NELL2: variants seen among roughly 807,000 people sequenced by gnomAD.
NELL2 encodes protein kinase C-binding protein NELL2.
NELL2 carries 41 observed loss-of-function variants against 109.6 expected under a neutral mutation model. The observed-to-expected ratio is 0.37, with a 90% CI of 0.29 to 0.49. The LOEUF (loss-of-function observed/expected upper bound fraction) is 0.49, where lower values mean the gene tolerates loss of function less well. Ranked by LOEUF, NELL2 falls within the 20% of genes least tolerant of loss-of-function variation. NELL2 has a pLI of 0.98. For missense variants in NELL2, 900 were observed against 1,008.3 expected, an observed-to-expected ratio of 0.89 and a Z score of 1.45; for synonymous variants, 355 against 344.7, an observed-to-expected ratio of 1.03 and a Z score of -0.33.
chr12:44,637,307 C>A (rs149259939), intron 13 of NELL2, among the ~76,000 whole-genome samples: 1 of 151,290 alleles, frequency 6.6e-6, no homozygotes, highest in East Asian at 2.0e-4. Context: ...TTTGTTTGCT[C>A]TTGAACCCTT....
chr12:44,865,821 A>ATT (rs1555229802), intron 2 of NELL2, among the ~76,000 whole-genome samples: 1 of 45,080 alleles, frequency 2.2e-5, no homozygotes, highest in Admixed American at 2.1e-4. Context: ...AATAAAAAAA[A>ATT]AAATTAAAAA....
At chr12:44,748,834 C>T (rs1304869671) in intron 9 of NELL2, among the ~76,000 whole-genome samples, 1 of 151,958 alleles carries the variant, frequency 6.6e-6, no homozygotes, top group Non-Finnish European at 1.5e-5. Context: ...AATCAAATAC[C>T]AAAGAGGGAC....
intron 9 of NELL2, among the ~76,000 whole-genome samples, chr12:44,770,153 T>C (rs971950672): frequency 2.0e-5 from 3 of 152,130 alleles, no homozygotes; most frequent in African/African-American, 4.8e-5. Context: ...CAAAGAACTC[T>C]TGAGGTCCTA....
chr12:44,871,418 T>C (rs1945156978), intron 2 of NELL2, among the ~76,000 whole-genome samples: 1 of 152,228 alleles, frequency 6.6e-6, no homozygotes. Flanking sequence ...CAAAAATAAC[T>C]TATTTGAAAG....
chr12:44,525,968 CG>C (rs1292940397), intron 16 of NELL2, among the ~76,000 whole-genome samples: 3 of 152,090 alleles, frequency 2.0e-5, no homozygotes, highest in Admixed American at 1.3e-4. Context: ...GAAGGCCCAA[CG>C]TCTAGAGCTA....
chr12:44,832,389 T>G (rs1195910882), intron 2 of NELL2, among the ~76,000 whole-genome samples: 1 of 152,230 alleles, frequency 6.6e-6, no homozygotes, highest in Non-Finnish European at 1.5e-5. Context: ...TTAACTAGTT[T>G]TCATCACTGG....
intron 13 of NELL2, among the ~76,000 whole-genome samples, chr12:44,635,395 CT>C (rs1200604279): frequency 6.6e-6 from 1 of 152,084 alleles, no homozygotes; most frequent in Non-Finnish European, 1.5e-5. Flanking sequence ...AGGTTTTCTT[CT>C]AGGGTTTTTA....
At chr12:44,921,044 A>C (rs1304522895) in intron 1 of NELL2, among the ~76,000 whole-genome samples, 2 of 152,140 alleles carry the variant, frequency 1.3e-5, no homozygotes, top group African/African-American at 4.8e-5. Flanking sequence ...CTACGTACAC[A>C]CTTTTATAGT....
At chr12:44,867,283 T>C (rs908187795) in intron 2 of NELL2, among the ~76,000 whole-genome samples, 1 of 152,208 alleles carries the variant, frequency 6.6e-6, no homozygotes, top group Non-Finnish European at 1.5e-5. Context: ...TCATTCACCA[T>C]GATCAAGTAG....
chr12:44,514,724 TA>T (rs984343727), intron 19 of NELL2, among the ~76,000 whole-genome samples: 2 of 151,380 alleles, frequency 1.3e-5, no homozygotes, highest in Non-Finnish European at 3.0e-5. Context: ...TGAATAAATA[TA>T]AAATATACCA....
intron 13 of NELL2, among the ~76,000 whole-genome samples, chr12:44,646,887 G>T (rs148234385): frequency 0.026 from 3,917 of 152,250 alleles, 83 homozygotes; most frequent in Admixed American, 0.043. Flanking sequence ...ACAAATTTGG[G>T]ATGCTACTTG....
chr12:44,909,374 A>G (rs1247584731), intron 1 of NELL2, among the ~76,000 whole-genome samples: 1 of 151,724 alleles, frequency 6.6e-6, no homozygotes, highest in Non-Finnish European at 1.5e-5. Flanking sequence ...AGATCTACCC[A>G]AAGAGGAGAA....
At chr12:44,805,095 A>G (rs2136661169) in intron 3 of NELL2, among the ~76,000 whole-genome samples, 1 of 151,994 alleles carries the variant, frequency 6.6e-6, no homozygotes, top group East Asian at 1.9e-4. Flanking sequence ...TTATGTAGTA[A>G]TTTCAAAGAA....
intron 3 of NELL2, among the ~76,000 whole-genome samples, chr12:44,799,089 GC>G (rs1467812287): frequency 2.0e-5 from 3 of 150,738 alleles, no homozygotes; most frequent in African/African-American, 7.3e-5. Flanking sequence ...CTCCCGAGTA[GC>G]TAGGACTACA....
intron 2 of NELL2, among the ~76,000 whole-genome samples, chr12:44,833,181 T>A (rs746353411): frequency 1.3e-5 from 2 of 152,212 alleles, no homozygotes; most frequent in Admixed American, 6.5e-5. Context: ...ATTCCTTTTT[T>A]AAAATTCAAG....
chr12:44,840,695 A>G (rs1944200373), intron 2 of NELL2, among the ~76,000 whole-genome samples: 1 of 152,162 alleles, frequency 6.6e-6, no homozygotes, highest in Admixed American at 6.5e-5. Flanking sequence ...AACCCAGAGT[A>G]AGCAAAGAAA....
At chr12:44,805,963 G>C (rs1016110599) in intron 3 of NELL2, among the ~76,000 whole-genome samples, 10 of 151,648 alleles carry the variant, frequency 6.6e-5, no homozygotes, top group African/African-American at 9.7e-5. Flanking sequence ...TCTCATACAA[G>C]ATTTTCTTTT....
chr12:44,808,975 T>A (rs758547429), intron 3 of NELL2, among the ~76,000 whole-genome samples: 89 of 152,192 alleles, frequency 5.8e-4, no homozygotes, highest in Non-Finnish European at 1.0e-3. Flanking sequence ...ATTATCTCCA[T>A]GTATGCTATC....
chr12:44,689,191 T>G (rs970008889), intron 12 of NELL2, among the ~76,000 whole-genome samples: 4 of 152,160 alleles, frequency 2.6e-5, no homozygotes, highest in African/African-American at 9.7e-5. Flanking sequence ...GGCCATCCTC[T>G]GGGCCTTTTC....
Sources: allele counts gnomAD v4.1 joint callset (sites outside exome capture counted in the v4.1 genomes callset), GRCh38; gene constraint gnomAD v4.1.1; transcripts MANE v1.5; gene names NCBI Gene and HGNC (gene_info 2026-07-23, HGNC 2026-07-21).